Variants in CSGALNACT1 observed in about 807,000 individuals in gnomAD.
CSGALNACT1 encodes the protein beta4GalNAcT-1.
A neutral mutation model predicts 51.0 loss-of-function variants in CSGALNACT1; 52 were observed. That is an observed-to-expected ratio of 1.02 (90% CI 0.82 to 1.29). CSGALNACT1 has a LOEUF of 1.29. Ranked by LOEUF, CSGALNACT1 falls within the 50% of genes most tolerant of loss-of-function variation. CSGALNACT1 has a pLI of 0.00. For missense variants in CSGALNACT1, 935 were observed against 679.2 expected (o/e 1.38, Z -4.19); for synonymous variants, 341 against 254.4 (o/e 1.34, Z -3.24).
intron 1 of CSGALNACT1, among the ~76,000 whole-genome samples, chr8:19,620,733 C>G (rs946573621): frequency 6.6e-6 from 1 of 152,156 alleles, no homozygotes; most frequent in Non-Finnish European, 1.5e-5. Context: ...CATGCCCAAC[C>G]CCTTTTTTAA....
At chr8:19,461,846 A>G (rs2065589644) in intron 4 of CSGALNACT1, among the ~76,000 whole-genome samples, 1 of 149,620 alleles carries the variant, frequency 6.7e-6, no homozygotes, top group East Asian at 1.9e-4. Context: ...GTATCTGCAC[A>G]GCAGCCACAT....
At chr8:19,483,347 T>G (rs145611104) in intron 4 of CSGALNACT1, among the ~76,000 whole-genome samples, 2 of 152,378 alleles carry the variant, frequency 1.3e-5, no homozygotes, top group African/African-American at 4.8e-5. Context: ...CACTTCATTA[T>G]GTCTGGTTCT....
chr8:19,565,866 G>T (rs570900845), intron 3 of CSGALNACT1, among the ~76,000 whole-genome samples: 1 of 152,300 alleles, frequency 6.6e-6, no homozygotes, highest in South Asian at 2.1e-4. Flanking sequence ...AGCCGAGATC[G>T]TGCCACTGCA....
intron 3 of CSGALNACT1, among the ~76,000 whole-genome samples, chr8:19,543,938 G>C (rs1459006545): frequency 6.6e-6 from 1 of 152,154 alleles, no homozygotes; most frequent in Non-Finnish European, 1.5e-5. Context: ...AAGAGGAAAA[G>C]ACGGTGCCAG....
chr8:19,428,489 A>C (rs1453993449), intron 6 of CSGALNACT1, among the ~76,000 whole-genome samples: 2 of 152,154 alleles, frequency 1.3e-5, no homozygotes, highest in African/African-American at 4.8e-5. Flanking sequence ...AAATGCCCCC[A>C]TGATTAAATG....
intron 3 of CSGALNACT1, among the ~76,000 whole-genome samples, chr8:19,539,506 G>C (rs1302023355): frequency 4.6e-5 from 7 of 152,140 alleles, no homozygotes; most frequent in Non-Finnish European, 1.0e-4. Flanking sequence ...TTTTTGACTG[G>C]AAGGGAATTT....
At chr8:19,631,050 T>C (rs1225853127) in intron 1 of CSGALNACT1, among the ~76,000 whole-genome samples, 1 of 152,200 alleles carries the variant, frequency 6.6e-6, no homozygotes, top group African/African-American at 2.4e-5. Context: ...GTTAGCACAC[T>C]TGTAACAGAC....
chr8:19,686,872 C>T (rs772787172), upstream of CSGALNACT1, among the ~76,000 whole-genome samples: 2 of 152,130 alleles, frequency 1.3e-5, no homozygotes, highest in Admixed American at 1.3e-4. Flanking sequence ...AGAGATAGGA[C>T]TTCTGGTGGG....
chr8:19,452,487 A>G (rs2063354268), intron 5 of CSGALNACT1, among the ~76,000 whole-genome samples: 1 of 152,044 alleles, frequency 6.6e-6, no homozygotes. Flanking sequence ...ACATTTAGTC[A>G]AGATCTTTTA....
chr8:19,717,436 A>G (rs1015603447), intron 1 of CSGALNACT1, among the ~76,000 whole-genome samples: 9 of 152,220 alleles, frequency 5.9e-5, no homozygotes, highest in Non-Finnish European at 5.9e-5. Flanking sequence ...AAGGTGGTAG[A>G]CAAGTAACCT....
intron 3 of CSGALNACT1, among the ~76,000 whole-genome samples, chr8:19,577,568 A>ACG (rs2044555297): frequency 1.3e-5 from 2 of 151,922 alleles, no homozygotes; most frequent in South Asian, 4.2e-4. Flanking sequence ...CAAAAAAAAA[A>ACG]AAAATTAAAA....
intron 3 of CSGALNACT1, among the ~76,000 whole-genome samples, chr8:19,539,099 G>A (rs903924815): frequency 2.0e-5 from 3 of 152,072 alleles, no homozygotes; most frequent in Admixed American, 6.6e-5. Flanking sequence ...AACATGTACA[G>A]CTTGATGTTT....
intron 1 of CSGALNACT1, among the ~76,000 whole-genome samples, chr8:19,621,597 C>G (rs1448470600): frequency 6.6e-6 from 1 of 151,968 alleles, no homozygotes; most frequent in Non-Finnish European, 1.5e-5. Flanking sequence ...GGCAACGTGG[C>G]AAGACCCAGT....
At chr8:19,605,390 G>A (rs1412262167), upstream of CSGALNACT1, among the ~76,000 whole-genome samples, 1 of 151,936 alleles carries the variant, frequency 6.6e-6, no homozygotes, top group African/African-American at 2.4e-5. Context: ...GAGCTGAGAC[G>A]GTGCCACTGC....
intron 1 of CSGALNACT1, among the ~76,000 whole-genome samples, chr8:19,614,014 G>T (rs1302319757): frequency 6.6e-6 from 1 of 152,162 alleles, no homozygotes; most frequent in Non-Finnish European, 1.5e-5. Flanking sequence ...GGAAAATGCC[G>T]TGTCAAAGTT....
exon 10 of CSGALNACT1, chr8:19,405,640 G>C: frequency 4.4e-6 from 5 of 1,132,652 alleles, no homozygotes; most frequent in Non-Finnish European, 6.5e-6. Flanking sequence ...CCAACAGAGA[G>C]AAATCGGAGG....
At chr8:19,599,579 G>T (rs149139389) in intron 2 of CSGALNACT1, among the ~76,000 whole-genome samples, 87 of 151,114 alleles carry the variant, frequency 5.8e-4, no homozygotes, top group African/African-American at 2.0e-3. Context: ...GAAAGAGAGA[G>T]AAAGGAAAGG....
At chr8:19,725,221 C>G (rs78676668) in intron 1 of CSGALNACT1, among the ~76,000 whole-genome samples, 26,376 of 152,114 alleles carry the variant, frequency 0.17, 2,883 homozygotes, top group African/African-American at 0.3. Flanking sequence ...TTGGCGAGCG[C>G]TTTGCTAGTG....
chr8:19,579,565 G>C (rs1335391523), intron 3 of CSGALNACT1, among the ~76,000 whole-genome samples: 3 of 152,182 alleles, frequency 2.0e-5, no homozygotes, highest in Non-Finnish European at 4.4e-5. Context: ...TAGAGATAGA[G>C]ACGGACACAT....
Sources: allele counts gnomAD v4.1 joint callset (sites outside exome capture counted in the v4.1 genomes callset), GRCh38; gene constraint gnomAD v4.1.1; transcripts MANE v1.5; gene names NCBI Gene and HGNC (gene_info 2026-07-23, HGNC 2026-07-21).